LETM2: variants seen among roughly 807,000 people sequenced by gnomAD.
The protein encoded by LETM2 is LETM1 domain-containing protein LETM2, mitochondrial.
Under a neutral mutation model 59.6 loss-of-function variants are expected in LETM2, and 58 were observed. That is an observed-to-expected ratio of 0.97 (90% CI 0.79 to 1.21). LETM2 has a LOEUF of 1.21. LETM2 is among the 50% of genes most tolerant of loss of function. The pLI is 0.00. For missense variants in LETM2, 572 were observed against 575.7 expected (o/e 0.99, Z 0.07); for synonymous variants, 199 against 214.1 (o/e 0.93, Z 0.62).
Position 38,392,941 on chromosome 8 carries a change from A to G in LETM2, c.447A>G (p.Arg149=). ...LLWIDAKVAA[R]MVWRLLHGQV... is the part of the protein sequence containing the mutation. ...GGATTGACGCCAAAGTTGCTGCCAG[A>G]ATGGTTTGGAGGCTGTTGCATGGAC... The change falls in exon 3 of 11, where the codon AGA becomes AGG. Residue 149 remains arginine, a synonymous_variant. Transcript: ENST00000379957. 1 of 1,611,426 alleles carries G rather than the reference A, an allele frequency of 6.2e-7. No homozygotes were observed. Among genetic ancestry groups the G allele is most frequent in the Non-Finnish European group, 8.5e-7 (1 of 1,180,022 alleles).
chr8:38,391,561 G>A (rs185253393), intron 2 of LETM2, among the ~76,000 whole-genome samples: 62 of 152,164 alleles, frequency 4.1e-4, no homozygotes, highest in African/African-American at 1.4e-3. Flanking sequence ...CCAAAGTGCT[G>A]GGATTACAGG....
intron 6 of LETM2, among the ~76,000 whole-genome samples, chr8:38,402,241 C>T (rs956730401): frequency 1.3e-5 from 2 of 152,160 alleles, no homozygotes; most frequent in African/African-American, 4.8e-5. Context: ...GTATGTATGT[C>T]ACAACCAGAC....
At position 38,408,458 on chromosome 8, in the gene LETM2, C is replaced by A. The variant is rs1184152192; in HGVS notation, c.*184C>A. The A allele has an allele frequency of 1.8e-6, 1 of 558,652 alleles. No individual in the cohort carries two copies. Among genetic ancestry groups the A allele is most frequent in the Non-Finnish European group, 3.2e-6 (1 of 309,998 alleles). 34.6% of individuals were successfully genotyped at this position (558,652 alleles called of 1,614,324 possible). A position where few individuals can be genotyped will look rare whatever the true frequency, so the allele number is the denominator to read the frequency against. On this transcript the variant is annotated 3_prime_UTR_variant, in exon 11 of 11. Transcript: ENST00000379957. ...TGTGGGTAGTGAGACCAAGTTCAGA[C>A]CACTTAGAAAAATATAATTGCAAAG...
At chr8:38,397,020 G>T (rs1812740990) in intron 4 of LETM2, 1 of 440,666 alleles carries the variant, frequency 2.3e-6, no homozygotes, top group Admixed American at 2.6e-5. Context: ...CAGCCCCTGA[G>T]AAGAGGGAGC....
Position 38,404,479 on chromosome 8 carries a change from G to A in LETM2, c.1191G>A (p.Lys397=). 2 of 1,613,950 alleles carry A rather than the reference G, an allele frequency of 1.2e-6. No homozygotes were observed. The highest frequency in any genetic ancestry group is 1.7e-6 in the Non-Finnish European group (2 of 1,179,830). The change falls in exon 8 of 11, where the codon AAG becomes AAA. Residue 397 remains lysine (K), a synonymous_variant. Transcript: ENST00000379957. ...RTFYLIDVKP[K]PIEIPLSGEA... Reference sequence around the variant, plus strand: ...TCTACCTGATAGATGTGAAGCCCAAGCCGATTGAGATACCACTCAGTGGGG... The same window carrying A: ...TCTACCTGATAGATGTGAAGCCCAAACCGATTGAGATACCACTCAGTGGGG...
intron 4 of LETM2, chr8:38,397,219 C>T (rs1048502137): frequency 3.8e-5 from 17 of 448,964 alleles, no homozygotes; most frequent in African/African-American, 1.6e-4. Flanking sequence ...CACCATCACC[C>T]GGGCTGGAGT....
chr8:38,388,082 T>A, intron 2 of LETM2, 52 bp downstream of exon 2: 6 of 261,820 alleles, frequency 2.3e-5, no homozygotes, highest in Non-Finnish European at 2.8e-5. Context: ...TTCTTCTTCT[T>A]TTTTTTTTTT....
chr8:38,391,465 G>A (rs974710953), intron 2 of LETM2, among the ~76,000 whole-genome samples: 15 of 151,516 alleles, frequency 9.9e-5, no homozygotes, highest in Non-Finnish European at 2.1e-4. Context: ...ACCACGCCCA[G>A]CTAATTTTTG....
chr8:38,383,638 T>A (rs1164469079), upstream of LETM2, among the ~76,000 whole-genome samples: 1 of 151,942 alleles, frequency 6.6e-6, no homozygotes, highest in Non-Finnish European at 1.5e-5. Context: ...ATACTGAGAA[T>A]TATCAGTATT....
chr8:38,384,115 A>AT (rs1439138939), upstream of LETM2, among the ~76,000 whole-genome samples: 8 of 151,944 alleles, frequency 5.3e-5, no homozygotes, highest in South Asian at 6.2e-4. Context: ...GGAAAGAGGG[A>AT]TTAAATTGGT....
intron 7 of LETM2, among the ~76,000 whole-genome samples, chr8:38,403,779 G>A (rs147826980): frequency 3.5e-4 from 54 of 152,308 alleles, no homozygotes; most frequent in African/African-American, 1.3e-3. Context: ...TGTATTTCTT[G>A]AACGTTGGCT....
intron 9 of LETM2, 107 bp downstream of exon 9, chr8:38,407,145 T>C: frequency 1.4e-6 from 1 of 739,274 alleles, no homozygotes; most frequent in Non-Finnish European, 2.3e-6. Flanking sequence ...TTCAATACAA[T>C]AATGTTCCTT....
rs1554540076 is a variant in LETM2, at chr8:38,407,446, ACTT to A, written c.1402_1404del (p.Ser468del). On this transcript the variant is annotated inframe_deletion, in exon 10 of 11. Coordinates refer to ENST00000379957, the MANE Select transcript of LETM2 (RefSeq NM_001286819.2). ...TATTTCATTACCTAAAGGACCCATC[ACTT>A]CTTCTGAAGAACCTGTAAGTATCTT... is the stretch of plus-strand genomic sequence containing the variant. 2 of 1,602,392 alleles carry A rather than the reference ACTT, an allele frequency of 1.2e-6. No individual in the cohort carries two copies. Among genetic ancestry groups the A allele is most frequent in the South Asian group, 1.1e-5 (1 of 90,832 alleles).
rs147445988 is a variant in LETM2 at position 38,400,360 on chromosome 8, G to C, written c.734G>C (p.Arg245Thr). ...ETMTEMARRN[R>T]AKMGDASTQL... Reference sequence around the variant, plus strand: ...ATGACAGAAATGGCAAGGAGGAACAGAGCCAAGATGGGCGATGCCTCTACA... The same window carrying C: ...ATGACAGAAATGGCAAGGAGGAACACAGCCAAGATGGGCGATGCCTCTACA... The change falls in exon 5 of 11, where the codon AGA becomes ACA. Residue 245 changes from arginine (R) to threonine (T), a missense_variant. Coordinates refer to ENST00000379957, the MANE Select transcript of LETM2 (RefSeq NM_001286819.2). 76 of 1,613,430 alleles carry C rather than the reference G, an allele frequency of 4.7e-5. 1 individual carries two copies. The East Asian group carries it at 6.5e-4, about 14-fold the overall frequency.
Position 38,409,332 on chromosome 8 carries a change from G to GA in LETM2, c.*1060dup, listed in dbSNP as rs1813998928. On this transcript the variant is annotated 3_prime_UTR_variant, in exon 11 of 11. Coordinates refer to ENST00000379957, the MANE Select transcript of LETM2 (RefSeq NM_001286819.2). ...TCCTGTCTGGGATCACCTAAATGAG[G>GA]AATGTCACCAGCACTTCACAGCAAG... is the stretch of plus-strand genomic sequence containing the variant. 6.6e-6 allele frequency: 1 copy of GA among 152,138 alleles called. No homozygotes were observed. The highest frequency in any genetic ancestry group is 2.4e-5 in the African/African-American group (1 of 41,424). The allele number at this position is 152,138 out of a possible 1,614,324, so 9.4% of individuals were successfully genotyped here.
chr8:38,396,924 A>AT (rs1257774252), intron 4 of LETM2: 1 of 313,194 alleles, frequency 3.2e-6, no homozygotes, highest in Non-Finnish European at 6.3e-6. Flanking sequence ...TAAAAAAAAA[A>AT]AGAATAAAGA....
In LETM2 at chr8:38,408,205, C is replaced by T. The variant is rs748597535; in HGVS notation, c.1414-7C>T. 28 of 1,610,654 alleles carry T rather than the reference C, an allele frequency of 1.7e-5. No homozygotes were observed. Among genetic ancestry groups the T allele is most frequent in the Middle Eastern group, 1.7e-4 (1 of 6,056 alleles). ...TAATGCCTACAGTCCTTGTTTTTTACGCCTAGACACTCCAGGCCAAATCAC... is the reference window on the plus strand; with the variant it reads ...TAATGCCTACAGTCCTTGTTTTTTATGCCTAGACACTCCAGGCCAAATCAC... On this transcript the variant is annotated splice_polypyrimidine_tract_variant and splice_region_variant and intron_variant, in intron 10 of 10. Coordinates refer to ENST00000379957, the MANE Select transcript of LETM2 (RefSeq NM_001286819.2).
At chr8:38,408,004 A>T in intron 10 of LETM2, 1 of 514,904 alleles carries the variant, frequency 1.9e-6, no homozygotes. Context: ...ATGAAGACAC[A>T]GATGGGGTAA....
chr8:38,385,336 T>C (rs1811729922), upstream of LETM2, among the ~76,000 whole-genome samples: 1 of 152,192 alleles, frequency 6.6e-6, no homozygotes, highest in Non-Finnish European at 1.5e-5. Flanking sequence ...TCAGGAGACG[T>C]ATTCTCCGTG....
Sources: allele counts gnomAD v4.1 joint callset (sites outside exome capture counted in the v4.1 genomes callset), GRCh38; gene constraint gnomAD v4.1.1; transcripts MANE v1.5; gene names NCBI Gene and HGNC (gene_info 2026-07-23, HGNC 2026-07-21).